Variants in XPR1 observed in about 807,000 individuals in gnomAD.
XPR1 encodes xenotropic and polytropic retrovirus receptor 1, also known as solute carrier family 53 member 1.
XPR1 carries 28 observed loss-of-function variants against 87.5 expected under a neutral mutation model. The observed-to-expected ratio is 0.32, with a 90% CI of 0.24 to 0.44. The LOEUF is 0.44. Ranked by LOEUF, XPR1 falls within the 20% of genes least tolerant of loss-of-function variation. The pLI is 1.00. For synonymous variants in XPR1, 300 were observed against 306.1 expected (o/e 0.98, Z 0.21); for missense variants, 559 against 862.3 (o/e 0.65, Z 4.41).
intron 2 of XPR1, among the ~76,000 whole-genome samples, chr1:180,682,911 C>T (rs1431372233): frequency 6.6e-6 from 1 of 151,890 alleles, no homozygotes; most frequent in Non-Finnish European, 1.5e-5. Context: ...GGAGCTAATT[C>T]AACAACTATT....
At chr1:180,785,855 C>T (rs1649118213) in intron 2 of XPR1, among the ~76,000 whole-genome samples, 1 of 151,192 alleles carries the variant, frequency 6.6e-6, no homozygotes, top group Non-Finnish European at 1.5e-5. Flanking sequence ...TAAGCTGTTA[C>T]TCTTATTTTA....
chr1:180,875,533 T>A (rs996045952), intron 13 of XPR1, among the ~76,000 whole-genome samples: 4 of 151,706 alleles, frequency 2.6e-5, no homozygotes, highest in Admixed American at 2.6e-4. Flanking sequence ...AAAAAATTTT[T>A]TTTTGAACAG....
At chr1:180,877,275 AATT>A (rs1360040907) in intron 13 of XPR1, among the ~76,000 whole-genome samples, 1 of 152,238 alleles carries the variant, frequency 6.6e-6, no homozygotes, top group Non-Finnish European at 1.5e-5. Flanking sequence ...CAGATATCAA[AATT>A]GATTATATAG....
chr1:180,817,235 A>T (rs1650440907), intron 7 of XPR1, among the ~76,000 whole-genome samples: 1 of 152,196 alleles, frequency 6.6e-6, no homozygotes, highest in Non-Finnish European at 1.5e-5. Context: ...AGGTTTAAAA[A>T]TTTTTTAAGT....
chr1:180,760,835 C>T (rs1438827536), intron 2 of XPR1, among the ~76,000 whole-genome samples: 10 of 151,992 alleles, frequency 6.6e-5, no homozygotes, highest in African/African-American at 2.2e-4. Flanking sequence ...AGAAGAAAAC[C>T]GGAGGCATCA....
intron 14 of XPR1, among the ~76,000 whole-genome samples, chr1:180,881,615 G>A (rs533088702): frequency 6.6e-6 from 1 of 152,288 alleles, no homozygotes; most frequent in Non-Finnish European, 1.5e-5. Context: ...AATGTATGGG[G>A]CAGTGAAAAT....
In XPR1 at chr1:180,823,836, T is replaced by C. The variant is rs117710598; in HGVS notation, c.764-917T>C. ...CTCTAGTTTCCTAATCAAATGGAGA[T>C]AATGGTTTTTAACTCAAAGAGCCAT... is the stretch of plus-strand genomic sequence containing the variant. On this transcript the variant is annotated intron_variant, in intron 7 of 14. Transcript: ENST00000367590. 9.8e-4 allele frequency among the ~76,000 whole-genome samples: 149 copies of C among 152,332 alleles called. 2 individuals are homozygous for C. In the East Asian group the frequency reaches 0.024, roughly 24 times the overall value.
At position 180,793,539 on chromosome 1, in the gene XPR1, T is replaced by G. The variant is rs188127534; in HGVS notation, c.223+5685T>G. On this transcript the variant is annotated intron_variant, in intron 3 of 14. Transcript: ENST00000367590. ...AAGTAGGTATTTTTAATGAGAGTGGTCATAGGTTGGTATATTGTTTTAAAT... is the reference window on the plus strand; with the variant it reads ...AAGTAGGTATTTTTAATGAGAGTGGGCATAGGTTGGTATATTGTTTTAAAT... 2.6e-5 allele frequency among the ~76,000 whole-genome samples: 4 copies of G among 152,230 alleles called. 1 individual carries two copies. Among genetic ancestry groups the G allele is most frequent in the Admixed American group, 2.6e-4 (4 of 15,282 alleles).
At chr1:180,835,729 AACAC>A (rs1337491303) in intron 10 of XPR1, among the ~76,000 whole-genome samples, 1 of 152,128 alleles carries the variant, frequency 6.6e-6, no homozygotes, top group Non-Finnish European at 1.5e-5. Context: ...TTCTTATTTA[AACAC>A]ACAGTTTGTT....
At chr1:180,691,665 T>C (rs1364862849) in intron 2 of XPR1, among the ~76,000 whole-genome samples, 4 of 152,200 alleles carry the variant, frequency 2.6e-5, no homozygotes, top group African/African-American at 9.6e-5. Flanking sequence ...AGGTTCTCTC[T>C]GCTTATTCTG....
chr1:180,688,876 C>T (rs1656879999), intron 2 of XPR1, among the ~76,000 whole-genome samples: 1 of 151,944 alleles, frequency 6.6e-6, no homozygotes, highest in Non-Finnish European at 1.5e-5. Context: ...TTTAAACTGC[C>T]TGTCTTCCCT....
chr1:180,679,676 G>A (rs2101940907), intron 1 of XPR1, among the ~76,000 whole-genome samples: 1 of 152,192 alleles, frequency 6.6e-6, no homozygotes, highest in South Asian at 2.1e-4. Context: ...ACCTAAATAT[G>A]GTTGTTAGCT....
intron 2 of XPR1, among the ~76,000 whole-genome samples, chr1:180,762,109 T>C (rs1194641230): frequency 2.8e-5 from 3 of 108,008 alleles, no homozygotes; most frequent in African/African-American, 1.1e-4. Flanking sequence ...CATCACACTC[T>C]GGGGACTGTT....
At chr1:180,719,419 TTAA>T (rs1265640287) in intron 2 of XPR1, among the ~76,000 whole-genome samples, 1 of 152,202 alleles carries the variant, frequency 6.6e-6, no homozygotes, top group African/African-American at 2.4e-5. Context: ...TGGCAAAATG[TTAA>T]TAATTGTTGA....
At chr1:180,863,283 TAAA>T (rs1652278045) in intron 11 of XPR1, among the ~76,000 whole-genome samples, 1 of 152,108 alleles carries the variant, frequency 6.6e-6, no homozygotes, top group Middle Eastern at 3.2e-3. Flanking sequence ...TGTTCTAAAG[TAAA>T]AACAATCCAA....
intron 1 of XPR1, among the ~76,000 whole-genome samples, chr1:180,675,640 T>C (rs1192707224): frequency 6.6e-6 from 1 of 152,204 alleles, no homozygotes; most frequent in Non-Finnish European, 1.5e-5. Flanking sequence ...TGCATATGAA[T>C]ACACATTGAT....
chr1:180,723,800 G>C (rs993822836), intron 2 of XPR1, among the ~76,000 whole-genome samples: 1 of 152,104 alleles, frequency 6.6e-6, no homozygotes, highest in Non-Finnish European at 1.5e-5. Context: ...GGGTCATCCA[G>C]ATACATCATT....
At chr1:180,833,518 A>G (rs1651153659) in intron 9 of XPR1, among the ~76,000 whole-genome samples, 2 of 152,148 alleles carry the variant, frequency 1.3e-5, no homozygotes, top group Admixed American at 6.5e-5. Context: ...AAAAAACACA[A>G]AAAAAACAGG....
At chr1:180,862,068 A>G (rs1652242349) in intron 11 of XPR1, among the ~76,000 whole-genome samples, 1 of 152,156 alleles carries the variant, frequency 6.6e-6, no homozygotes. Flanking sequence ...TTAATTTTTA[A>G]TAATGACTGA....
Sources: gnomAD v4.1 joint callset for allele counts (sites outside exome capture counted in the v4.1 genomes callset) on GRCh38, gnomAD v4.1.1 for gene constraint, MANE v1.5 for transcripts, NCBI Gene and HGNC (gene_info 2026-07-23, HGNC 2026-07-21) for gene names.